FECH: variants seen among roughly 807,000 people sequenced by gnomAD.
FECH encodes the protein ferrochelatase, mitochondrial.
In FECH, 40 loss-of-function variants were observed where a neutral mutation model predicts 56.9. The observed-to-expected ratio is 0.70, with a 90% CI of 0.55 to 0.92. The LOEUF (loss-of-function observed/expected upper bound fraction) is 0.92, where lower values mean the gene tolerates loss of function less well. Among genes scored for constraint, FECH ranks in the 40% least tolerant of loss-of-function variants. The pLI, the probability that FECH is intolerant of heterozygous loss-of-function variation, is 0.00. For missense variants in FECH, 431 were observed against 529.1 expected, an observed-to-expected ratio of 0.81 and a Z score of 1.82; for synonymous variants, 175 against 198.6, an observed-to-expected ratio of 0.88 and a Z score of 1.00.
Position 57,580,160 on chromosome 18 carries a change from C to T in FECH, c.107G>A (p.Trp36Ter). 6.2e-7 allele frequency: 1 copy of T among 1,614,184 alleles called. No individual in the cohort carries two copies. The change falls in exon 2 of 11, where the codon TGG becomes TAG. Residue 36 changes from tryptophan (W) to a stop codon, truncating the protein, a stop_gained. Transcript: ENST00000262093. LOFTEE classifies it high-confidence loss of function. ...GGCCGCTGCAGCTGCACCTGACTTC[C>T]ACCTCCATGGCTGACAGACCCTCCA... ...SSWRVCQPWR[W>*]KSGAAAAAVT... is the part of the protein sequence containing the mutation.
intron 2 of FECH, 154 bp downstream of exon 2, chr18:57,579,919 A>T (rs1394699233): frequency 1.0e-5 from 10 of 998,454 alleles, no homozygotes; most frequent in Non-Finnish European, 1.4e-5. Flanking sequence ...GAGGGTGTAA[A>T]ATCTATGGTT....
At chr18:57,573,491 T>C in intron 2 of FECH, 126 bp from the exon 3 acceptor site, 1 of 1,102,652 alleles carries the variant, frequency 9.1e-7, no homozygotes, top group Non-Finnish European at 1.4e-6. Context: ...CTCTTTTCAC[T>C]GCCGTCACAC....
At chr18:57,572,613 A>G (rs1039610870) in intron 3 of FECH, among the ~76,000 whole-genome samples, 13 of 118,998 alleles carry the variant, frequency 1.1e-4, no homozygotes, top group Non-Finnish European at 2.0e-4. Flanking sequence ...GCATGTGTGT[A>G]TGTATGTATG....
intron 2 of FECH, 37 bp downstream of exon 2, chr18:57,580,036 G>C (rs565191710): frequency 6.2e-7 from 1 of 1,613,272 alleles, no homozygotes; most frequent in Admixed American, 1.7e-5. Flanking sequence ...CATCGATAAA[G>C]AGAAATTCTT....
At chr18:57,553,915 T>C (rs1334143314) in intron 9 of FECH, among the ~76,000 whole-genome samples, 1 of 152,238 alleles carries the variant, frequency 6.6e-6, no homozygotes, top group Non-Finnish European at 1.5e-5. Context: ...AATAAAATGT[T>C]TTCCTTTGGA....
At chr18:57,573,528 C>T (rs1045283528) in intron 2 of FECH, among the ~76,000 whole-genome samples, 163 bp from the exon 3 acceptor site, 7 of 152,202 alleles carry the variant, frequency 4.6e-5, no homozygotes, top group African/African-American at 1.7e-4. Flanking sequence ...ACATCTGTGG[C>T]CTCCAGTTCC....
Position 57,548,327 on chromosome 18 carries a change from T to C in FECH, c.*2385A>G, listed in dbSNP as rs1009100160. 37 of 151,994 alleles carry C rather than the reference T, an allele frequency of 2.4e-4. No individual in the cohort carries two copies. Among genetic ancestry groups the C allele is most frequent in the African/African-American group, 8.9e-4 (37 of 41,384 alleles). 9.4% of individuals were successfully genotyped at this position (151,994 alleles called of 1,614,324 possible). The stretch of plus-strand genomic sequence containing the variant: ...AGCAAATTTTGAGTGCAAAAATTTA[T>C]TGTGATTTTTAAAAAGTTAAGTAGT... On this transcript the variant is annotated 3_prime_UTR_variant, in exon 11 of 11. Transcript: ENST00000262093.
chr18:57,557,736 A>G lies in FECH; in HGVS notation c.804+1409T>C, dbSNP rs547181986. ...CGCTTGAACCCAGGAGGTGGAGGCT[A>G]CGGTGAGCTGTGATCGCATCACTGC... On this transcript the variant is annotated intron_variant, in intron 7 of 10. Transcript: ENST00000262093. Among the ~76,000 whole-genome samples, 26 of 152,208 alleles carry G rather than the reference A, an allele frequency of 1.7e-4. No individual in the cohort carries two copies. In the East Asian group the frequency reaches 4.6e-3, roughly 27 times the overall value.
At chr18:57,555,360 T>C (rs2050855080) in intron 7 of FECH, among the ~76,000 whole-genome samples, 1 of 152,182 alleles carries the variant, frequency 6.6e-6, no homozygotes, top group African/African-American at 2.4e-5. Flanking sequence ...CAGTGCTGCA[T>C]GGACAATGTA....
Position 57,548,054 on chromosome 18 carries a change from C to G in FECH, c.*2658G>C, listed in dbSNP as rs2050742261. Among the ~76,000 whole-genome samples, 1 of 151,680 alleles carries G rather than the reference C, an allele frequency of 6.6e-6. No homozygotes were observed. Among genetic ancestry groups the G allele is most frequent in the Non-Finnish European group, 1.5e-5 (1 of 67,940 alleles). ...TCCCTTGAGCCCAGGAGTTCAAGAC[C>G]AGCCTGGACAACATGGCAAAACCCC... On this transcript the variant is annotated 3_prime_UTR_variant, in exon 11 of 11. Transcript: ENST00000262093.
intron 3 of FECH, 116 bp downstream of exon 3, chr18:57,573,130 G>T: frequency 9.4e-7 from 1 of 1,061,068 alleles, no homozygotes; most frequent in Non-Finnish European, 1.5e-6. Flanking sequence ...CAATGCTGCT[G>T]TTTAACCATT....
chr18:57,560,339 T>A (rs967167737), intron 6 of FECH, among the ~76,000 whole-genome samples: 1 of 152,130 alleles, frequency 6.6e-6, no homozygotes, highest in Admixed American at 6.5e-5. Context: ...ATAAAGCAAG[T>A]GGGATATACA....
chr18:57,575,235 A>G (rs1036265753), intron 2 of FECH, among the ~76,000 whole-genome samples: 1 of 152,074 alleles, frequency 6.6e-6, no homozygotes, highest in African/African-American at 2.4e-5. Context: ...CCCTCTATTC[A>G]CTTTCAATAA....
intron 2 of FECH, among the ~76,000 whole-genome samples, chr18:57,576,385 A>G (rs2051186469): frequency 6.6e-6 from 1 of 152,210 alleles, no homozygotes; most frequent in African/African-American, 2.4e-5. Context: ...AAAATTCCAG[A>G]TGCATTATTT....
At chr18:57,559,602 G>A (rs941487290) in intron 6 of FECH, among the ~76,000 whole-genome samples, 5 of 152,192 alleles carry the variant, frequency 3.3e-5, no homozygotes, top group Admixed American at 6.5e-5. Flanking sequence ...CATTTGCTCC[G>A]TTAGCAGGAA....
At position 57,586,645 on chromosome 18, in the gene FECH, C is replaced by T; in HGVS notation, c.-25G>A. 2.0e-6 allele frequency: 3 copies of T among 1,493,092 alleles called. No individual in the cohort carries two copies. The highest frequency in any genetic ancestry group is 1.5e-5 in the African/African-American group (1 of 68,670). 92.5% of individuals were successfully genotyped at this position (1,493,092 alleles called of 1,614,324 possible). ...TTGCCTGGGCAGCCTCGGCCCGAGT[C>T]CGGGCTCCTCCCGCGGCGGCGCGCC... On this transcript the variant is annotated 5_prime_UTR_variant, in exon 1 of 11. Transcript: ENST00000262093.
chr18:57,554,186 A>G lies in FECH; in HGVS notation c.1077+74T>C, dbSNP rs1433300813. Reference sequence around the variant, plus strand: ...ACAGTAAACAATATTTCTGAATGATACATTAGTTAGTTGCAGAAAAAATTT... The same window carrying G: ...ACAGTAAACAATATTTCTGAATGATGCATTAGTTAGTTGCAGAAAAAATTT... On this transcript the variant is annotated intron_variant, in intron 9 of 10. Coordinates refer to ENST00000262093, the MANE Select transcript of FECH (RefSeq NM_000140.5). 7.5e-6 allele frequency: 11 copies of G among 1,462,036 alleles called. No individual in the cohort carries two copies. The East Asian group carries it at 2.0e-4, about 27-fold the overall frequency. 90.6% of individuals were successfully genotyped at this position (1,462,036 alleles called of 1,614,324 possible). A position where few individuals can be genotyped will look rare whatever the true frequency, so the allele number is the denominator to read the frequency against.
At chr18:57,575,139 T>C (rs926990693) in intron 2 of FECH, among the ~76,000 whole-genome samples, 5 of 152,192 alleles carry the variant, frequency 3.3e-5, no homozygotes, top group African/African-American at 1.2e-4. Context: ...TTACTCAGCA[T>C]AAAATGTTCA....
chr18:57,564,463 T>C (rs773887207), intron 5 of FECH, among the ~76,000 whole-genome samples: 1 of 152,280 alleles, frequency 6.6e-6, no homozygotes, highest in African/African-American at 2.4e-5. Context: ...AGTCTTAACA[T>C]AGGGCAAGTC....
Sources: gnomAD v4.1 joint callset for allele counts (sites outside exome capture counted in the v4.1 genomes callset) on GRCh38, gnomAD v4.1.1 for gene constraint, MANE v1.5 for transcripts, NCBI Gene and HGNC (gene_info 2026-07-23, HGNC 2026-07-21) for gene names.